CNTN3: variants seen among roughly 807,000 people sequenced by gnomAD.
CNTN3 encodes the protein contactin-3.
A neutral mutation model predicts 119.1 loss-of-function variants in CNTN3; 60 were observed. The ratio of observed to expected loss-of-function variants is 0.50; its 90% CI spans 0.41 to 0.62. The LOEUF is 0.62. Ranked by LOEUF, CNTN3 falls within the 20% of genes least tolerant of loss-of-function variation. The pLI, the probability that CNTN3 is intolerant of heterozygous loss-of-function variation, is 0.00. For missense variants in CNTN3, 1,101 were observed against 1,242.4 expected (o/e 0.89, Z 1.71); for synonymous variants, 450 against 438.7 (o/e 1.03, Z -0.32).
In CNTN3 at chr3:74,390,789, T is replaced by C. The variant is rs973391531; in HGVS notation, c.455-19390A>G. Reference sequence around the variant, plus strand: ...CACCATTATAAACGTGGTAATGGGATAATAAAAGATTTAGCAGTGTTCAGA... The same window carrying C: ...CACCATTATAAACGTGGTAATGGGACAATAAAAGATTTAGCAGTGTTCAGA... On this transcript the variant is annotated intron_variant, in intron 5 of 22. Transcript: ENST00000263665. 2.7e-4 allele frequency among the ~76,000 whole-genome samples: 41 copies of C among 152,168 alleles called. 1 individual carries two copies. The highest frequency in any genetic ancestry group is 2.6e-3 in the Admixed American group (40 of 15,266).
intron 1 of CNTN3, among the ~76,000 whole-genome samples, chr3:74,579,791 T>A (rs551115024): frequency 1.3e-5 from 2 of 152,168 alleles, no homozygotes; most frequent in African/African-American, 4.8e-5. Flanking sequence ...TAGTTTAAAC[T>A]CTTAATAGAA....
intron 1 of CNTN3, among the ~76,000 whole-genome samples, chr3:74,605,800 C>T (rs999898492): frequency 1.3e-5 from 2 of 152,088 alleles, no homozygotes; most frequent in Non-Finnish European, 2.9e-5. Flanking sequence ...TCAGTTGAGC[C>T]ACATTTTATT....
intron 1 of CNTN3, among the ~76,000 whole-genome samples, chr3:74,536,685 C>A (rs1375206445): frequency 6.6e-6 from 1 of 152,056 alleles, no homozygotes; most frequent in Non-Finnish European, 1.5e-5. Flanking sequence ...CTTACTTAGA[C>A]CCTCCGATAA....
chr3:74,465,427 C>T (rs73114649), intron 4 of CNTN3, among the ~76,000 whole-genome samples: 2,007 of 152,130 alleles, frequency 0.013, 18 homozygotes, highest in Non-Finnish European at 0.021. Flanking sequence ...AAAACCTAGA[C>T]CATAAAAGGT....
At chr3:74,445,529 G>A (rs933367515) in intron 4 of CNTN3, among the ~76,000 whole-genome samples, 8 of 152,118 alleles carry the variant, frequency 5.3e-5, no homozygotes, top group Non-Finnish European at 2.9e-5. Context: ...CTCCCAAAAT[G>A]CTCTTGTTTT....
At chr3:74,409,122 C>A (rs1575697507) in intron 5 of CNTN3, among the ~76,000 whole-genome samples, 1 of 152,078 alleles carries the variant, frequency 6.6e-6, no homozygotes, top group East Asian at 1.9e-4. Flanking sequence ...ATAAGAAGGC[C>A]ATTCACCTGA....
intron 1 of CNTN3, among the ~76,000 whole-genome samples, chr3:74,584,614 C>A (rs1313265226): frequency 6.6e-6 from 1 of 152,124 alleles, no homozygotes; most frequent in African/African-American, 2.4e-5. Flanking sequence ...AAATAAACCT[C>A]TTTTCTTTAT....
intron 2 of CNTN3, among the ~76,000 whole-genome samples, chr3:74,517,346 G>A (rs1374525343): frequency 6.6e-6 from 1 of 151,784 alleles, no homozygotes; most frequent in Admixed American, 6.6e-5. Context: ...TCCTTGCTTG[G>A]CTGCCTGCAA....
intron 1 of CNTN3, among the ~76,000 whole-genome samples, chr3:74,600,044 T>G (rs1704883086): frequency 6.6e-6 from 1 of 152,038 alleles, no homozygotes; most frequent in South Asian, 2.1e-4. Flanking sequence ...TGACAGTTTT[T>G]TATTTATCTC....
Position 74,555,877 on chromosome 3 carries a change from T to G in CNTN3, c.-80-34685A>C, listed in dbSNP as rs561647819. Among the ~76,000 whole-genome samples, 4 of 152,290 alleles carry G rather than the reference T, an allele frequency of 2.6e-5. No individual in the cohort carries two copies. In the East Asian group the frequency reaches 7.7e-4, roughly 29 times the overall value. On this transcript the variant is annotated intron_variant, in intron 1 of 22. Transcript: ENST00000263665. Reference sequence around the variant, plus strand: ...AAAACCAGCTCCTGGATTCATTCATTTTTTGAAGGTCAACCTCTTTCCTTT... The same window carrying G: ...AAAACCAGCTCCTGGATTCATTCATGTTTTGAAGGTCAACCTCTTTCCTTT...
At chr3:74,456,536 C>T (rs1349749308) in intron 4 of CNTN3, among the ~76,000 whole-genome samples, 1 of 152,014 alleles carries the variant, frequency 6.6e-6, no homozygotes, top group Non-Finnish European at 1.5e-5. Context: ...ACAATGTCAG[C>T]ATGGAGGAAT....
chr3:74,305,921 T>C (rs534595838), intron 13 of CNTN3, among the ~76,000 whole-genome samples: 1 of 151,852 alleles, frequency 6.6e-6, no homozygotes, highest in South Asian at 2.1e-4. Flanking sequence ...TTCAATAGGG[T>C]CATAGATGGG....
chr3:74,354,289 T>C (rs76212739), intron 11 of CNTN3, among the ~76,000 whole-genome samples: 5 of 152,140 alleles, frequency 3.3e-5, no homozygotes, highest in African/African-American at 9.7e-5. Flanking sequence ...TGACTGAGGT[T>C]ATTGCAATAA....
rs564534547 is a variant in CNTN3, at chr3:74,528,424, C to T, written c.-80-7232G>A. Among the ~76,000 whole-genome samples, 5 of 152,004 alleles carry T rather than the reference C, an allele frequency of 3.3e-5. No homozygotes were observed. In the East Asian group the frequency reaches 9.7e-4, roughly 30 times the overall value. On this transcript the variant is annotated intron_variant, in intron 1 of 22. Coordinates refer to ENST00000263665, the MANE Select transcript of CNTN3 (RefSeq NM_020872.3). ...TGGAGTGCCCATTATGTGCCAGGCA[C>T]ATTTACCAACTGGAAAATGTAGTGG...
chr3:74,557,221 C>G (rs1360578163), intron 1 of CNTN3, among the ~76,000 whole-genome samples: 1 of 151,956 alleles, frequency 6.6e-6, no homozygotes, highest in Non-Finnish European at 1.5e-5. Context: ...AAATCAAGGT[C>G]CTGAAGATTT....
intron 4 of CNTN3, among the ~76,000 whole-genome samples, chr3:74,450,371 T>G (rs991490620): frequency 6.6e-6 from 1 of 152,044 alleles, no homozygotes; most frequent in Non-Finnish European, 1.5e-5. Context: ...TTTGGAAAGT[T>G]TGATAAATTT....
At chr3:74,590,363 C>T (rs1452981321) in intron 1 of CNTN3, among the ~76,000 whole-genome samples, 3 of 151,904 alleles carry the variant, frequency 2.0e-5, no homozygotes, top group Non-Finnish European at 4.4e-5. Context: ...AACACAGATG[C>T]CCAACTATCA....
At chr3:74,295,452 G>A (rs79597088) in intron 18 of CNTN3, among the ~76,000 whole-genome samples, 3,616 of 152,200 alleles carry the variant, frequency 0.024, 70 homozygotes, top group Non-Finnish European at 0.037. Context: ...AAACAGCTGT[G>A]GCAACCTATA....
chr3:74,571,948 G>A (rs1265726503), intron 1 of CNTN3, among the ~76,000 whole-genome samples: 3 of 152,078 alleles, frequency 2.0e-5, no homozygotes, highest in Admixed American at 1.3e-4. Context: ...ATATCTCATT[G>A]GTGGCTTTGG....
Sources: allele counts gnomAD v4.1 joint callset (sites outside exome capture counted in the v4.1 genomes callset), GRCh38; gene constraint gnomAD v4.1.1; transcripts MANE v1.5; gene names NCBI Gene and HGNC (gene_info 2026-07-23, HGNC 2026-07-21).